RIN3: variants seen among roughly 807,000 people sequenced by gnomAD.
RIN3 encodes Ras and Rab interactor 3.
RIN3 carries 54 observed loss-of-function variants against 76.3 expected under a neutral mutation model. The observed-to-expected ratio is 0.71, with a 90% CI of 0.57 to 0.89. The LOEUF is 0.89. RIN3 is among the 40% of genes least tolerant of loss of function. RIN3 has a pLI of 0.00. For missense variants in RIN3, 1,256 were observed against 1,322.1 expected (o/e 0.95, Z 0.78); for synonymous variants, 576 against 564.0 (o/e 1.02, Z -0.30).
intron 4 of RIN3, among the ~76,000 whole-genome samples, chr14:92,636,211 G>A (rs1269674987): frequency 6.6e-6 from 1 of 151,638 alleles, no homozygotes; most frequent in African/African-American, 2.4e-5. Context: ...TGATGAAAGA[G>A]GAGAGAGAGG....
intron 3 of RIN3, among the ~76,000 whole-genome samples, chr14:92,601,626 T>G (rs1273582157): frequency 6.6e-6 from 1 of 152,164 alleles, no homozygotes; most frequent in Admixed American, 6.5e-5. Context: ...ACAAAGTGTT[T>G]TTTCTCAATG....
At chr14:92,661,712 G>A (rs1000901416) in intron 7 of RIN3, among the ~76,000 whole-genome samples, 1 of 106,150 alleles carries the variant, frequency 9.4e-6, no homozygotes, top group Admixed American at 9.1e-5. Context: ...TGGTGACAGA[G>A]TGAGACTCTG....
At chr14:92,676,408 C>T in intron 7 of RIN3, 67 bp from the exon 8 acceptor site, 1 of 1,578,870 alleles carries the variant, frequency 6.3e-7, no homozygotes, top group Non-Finnish European at 8.7e-7. Context: ...GTCCCCTACC[C>T]TGGGCAGAGA....
chr14:92,522,633 T>C (rs1020570882), intron 1 of RIN3, among the ~76,000 whole-genome samples: 1 of 152,216 alleles, frequency 6.6e-6, no homozygotes, highest in Non-Finnish European at 1.5e-5. Flanking sequence ...CCCTCTGTTT[T>C]AAATGAAACT....
intron 5 of RIN3, among the ~76,000 whole-genome samples, chr14:92,642,950 A>G (rs1887071513): frequency 6.6e-6 from 1 of 152,208 alleles, no homozygotes; most frequent in African/African-American, 2.4e-5. Context: ...GAGGAAACTG[A>G]GGCACAAGAG....
intron 7 of RIN3, among the ~76,000 whole-genome samples, chr14:92,671,202 AG>A: frequency 6.6e-6 from 1 of 152,298 alleles, no homozygotes; most frequent in African/African-American, 2.4e-5. Flanking sequence ...GATGTGAAGA[AG>A]GGGGCAGGCT....
chr14:92,653,086 T>C lies in RIN3; in HGVS notation c.2026+11T>C. On this transcript the variant is annotated intron_variant, in intron 6 of 9. Coordinates refer to ENST00000216487, the MANE Select transcript of RIN3 (RefSeq NM_024832.5). Reference sequence around the variant, plus strand: ...CCGAGGAGGAGCTCGGTCAGTGCCCTGGGAGGAGGTGGCAGGGAGGAGAGG... The same window carrying C: ...CCGAGGAGGAGCTCGGTCAGTGCCCCGGGAGGAGGTGGCAGGGAGGAGAGG... 1 of 1,590,500 alleles carries C rather than the reference T, an allele frequency of 6.3e-7. No individual in the cohort carries two copies. Among genetic ancestry groups the C allele is most frequent in the African/African-American group, 1.3e-5 (1 of 74,736 alleles).
At chr14:92,564,818 A>G (rs910888160) in intron 2 of RIN3, among the ~76,000 whole-genome samples, 18 of 151,882 alleles carry the variant, frequency 1.2e-4, no homozygotes, top group Admixed American at 7.9e-4. Flanking sequence ...GGAAACGCGC[A>G]CACACACGCG....
chr14:92,612,831 G>A (rs1048711984), intron 3 of RIN3, among the ~76,000 whole-genome samples: 6 of 152,242 alleles, frequency 3.9e-5, no homozygotes, highest in Non-Finnish European at 7.3e-5. Context: ...TGCGTCTAGC[G>A]TCGTGTTGGG....
At chr14:92,636,964 C>T (rs10498635) in intron 4 of RIN3, among the ~76,000 whole-genome samples, 20,866 of 151,962 alleles carry the variant, frequency 0.14, 1,645 homozygotes, top group Non-Finnish European at 0.18. Context: ...CGTATGTGTA[C>T]ATTAAAGAAG....
chr14:92,568,939 G>T lies in RIN3; in HGVS notation c.250-8421G>T, dbSNP rs1897988159. ...AGAGGGGAGCGAGATGCTTCACCATGTGGTGGGGATGCCTGGCCCTAGTCC... is the reference window on the plus strand; with the variant it reads ...AGAGGGGAGCGAGATGCTTCACCATTTGGTGGGGATGCCTGGCCCTAGTCC... On this transcript the variant is annotated intron_variant, in intron 2 of 9. Transcript: ENST00000216487. The surrounding 1 kb of genome is among the most constrained non-coding windows in gnomAD (Gnocchi z 4.2). 1.3e-5 allele frequency among the ~76,000 whole-genome samples: 2 copies of T among 152,238 alleles called. No individual in the cohort carries two copies. Among genetic ancestry groups the T allele is most frequent in the East Asian group, 3.8e-4 (2 of 5,198 alleles).
At chr14:92,525,754 C>A (rs1209988198) in intron 1 of RIN3, among the ~76,000 whole-genome samples, 1 of 152,168 alleles carries the variant, frequency 6.6e-6, no homozygotes, top group East Asian at 1.9e-4. Context: ...GCCCTGGAGC[C>A]CCGCTGTGGC....
intron 6 of RIN3, among the ~76,000 whole-genome samples, chr14:92,657,973 C>T (rs890049586): frequency 1.3e-5 from 2 of 152,146 alleles, no homozygotes; most frequent in African/African-American, 4.8e-5. Flanking sequence ...GGGCTTGGGA[C>T]CTCCCCTTAC....
At chr14:92,631,694 G>A (rs891549275) in intron 4 of RIN3, among the ~76,000 whole-genome samples, 3 of 152,006 alleles carry the variant, frequency 2.0e-5, no homozygotes, top group African/African-American at 4.8e-5. Context: ...TCCACCTCCC[G>A]AGTTCAAGCG....
At chr14:92,540,864 C>CT (rs1897116557) in intron 1 of RIN3, among the ~76,000 whole-genome samples, 1 of 152,196 alleles carries the variant, frequency 6.6e-6, no homozygotes, top group African/African-American at 2.4e-5. Flanking sequence ...AACCTTAGTC[C>CT]TTGGTCCGAT....
At chr14:92,650,738 G>A (rs769376013) in intron 5 of RIN3, among the ~76,000 whole-genome samples, 19 of 152,312 alleles carry the variant, frequency 1.2e-4, no homozygotes, top group African/African-American at 2.6e-4. Flanking sequence ...CTGAGCCTCC[G>A]TCAGATGCTT....
rs8020017 is a variant in RIN3, at chr14:92,643,040, G to A, written c.532+1711G>A. On this transcript the variant is annotated intron_variant, in intron 5 of 9. Transcript: ENST00000216487. This position sits in a 1 kb window ranked among gnomAD's most constrained non-coding sequence, Gnocchi z 4.8. ...CCGTTTAGCTCCCACACCTGCCATCGTCTCATGGTGCCTCTTAACTCTTTT... is the reference window on the plus strand; with the variant it reads ...CCGTTTAGCTCCCACACCTGCCATCATCTCATGGTGCCTCTTAACTCTTTT... Among the ~76,000 whole-genome samples the A allele has an allele frequency of 0.53, 81,068 of 151,848 alleles. 22,124 individuals are homozygous for A. Among genetic ancestry groups the A allele is most frequent in the Non-Finnish European group, 0.6 (40,771 of 67,926 alleles).
In RIN3 at chr14:92,604,542, C is replaced by T. The variant is rs115734877; in HGVS notation, c.368-10865C>T. ...TTTTTTCTCCAAGCATTGAGCCCTCCGAAAGGTCAGAAACTCCTGTCTCCT... is the reference window on the plus strand; with the variant it reads ...TTTTTTCTCCAAGCATTGAGCCCTCTGAAAGGTCAGAAACTCCTGTCTCCT... On this transcript the variant is annotated intron_variant, in intron 3 of 9. Transcript: ENST00000216487. 2.3e-3 allele frequency among the ~76,000 whole-genome samples: 346 copies of T among 152,224 alleles called. 3 individuals are homozygous for T. Among genetic ancestry groups the T allele is most frequent in the African/African-American group, 8.0e-3 (333 of 41,516 alleles).
intron 4 of RIN3, among the ~76,000 whole-genome samples, chr14:92,633,631 C>T (rs1322396445): frequency 6.6e-6 from 1 of 152,174 alleles, no homozygotes; most frequent in African/African-American, 2.4e-5. Context: ...ACTCTACATC[C>T]AGGTAATTAG....
Sources: allele counts gnomAD v4.1 joint callset (sites outside exome capture counted in the v4.1 genomes callset), GRCh38; gene constraint gnomAD v4.1.1; non-coding constraint Gnocchi (gnomAD v3.1); transcripts MANE v1.5; gene names NCBI Gene and HGNC (gene_info 2026-07-23, HGNC 2026-07-21).